The following KIRREL3 variants were observed in gnomAD, a reference collection of about 807,000 sequenced individuals.
The protein encoded by KIRREL3 is kirre like nephrin family adhesion molecule 3.
Under a neutral mutation model 89.7 loss-of-function variants are expected in KIRREL3, and 36 were observed. The observed-to-expected ratio is 0.40, with a 90% CI of 0.31 to 0.53. KIRREL3 has a LOEUF of 0.53. Among genes scored for constraint, KIRREL3 ranks in the 20% least tolerant of loss-of-function variants. KIRREL3 has a pLI of 0.49. For missense variants in KIRREL3, 864 were observed against 1,056.6 expected (o/e 0.82, Z 2.53); for synonymous variants, 445 against 441.4 (o/e 1.01, Z -0.10).
At position 126,809,818 on chromosome 11, in the gene KIRREL3, T is replaced by C. The variant is rs1951321575; in HGVS notation, c.55+190637A>G. ...ATTACAGACAAAACCCTCCTGATAC[T>C]GTCTCCTGTCTCCTTGCATCTCCCT... On this transcript the variant is annotated intron_variant, in intron 1 of 16. Transcript: ENST00000525144. 3.9e-5 allele frequency among the ~76,000 whole-genome samples: 6 copies of C among 152,300 alleles called. No homozygotes were observed. In the South Asian group the frequency reaches 1.2e-3, roughly 32 times the overall value.
rs1950221338 is a variant in KIRREL3, at chr11:126,997,948, C to T, written c.55+2507G>A. 6.6e-6 allele frequency among the ~76,000 whole-genome samples: 1 copy of T among 152,064 alleles called. No homozygotes were observed. Among genetic ancestry groups the T allele is most frequent in the Non-Finnish European group, 1.5e-5 (1 of 68,018 alleles). On this transcript the variant is annotated intron_variant, in intron 1 of 16. Transcript: ENST00000525144. This position sits in a 1 kb window ranked among gnomAD's most constrained non-coding sequence, Gnocchi z 4.3. ...CTTCACATTTCCTGGGAGAGGCATCCCAGCATGCAGGAGGCAGGGGTCAAG... is the reference window on the plus strand; with the variant it reads ...CTTCACATTTCCTGGGAGAGGCATCTCAGCATGCAGGAGGCAGGGGTCAAG...
chr11:126,478,242 A>G (rs1165791663), intron 4 of KIRREL3, among the ~76,000 whole-genome samples: 1 of 152,138 alleles, frequency 6.6e-6, no homozygotes, highest in Non-Finnish European at 1.5e-5. Flanking sequence ...CAGCTTCAAG[A>G]GCCCTTCAGT....
At chr11:126,733,916 C>A (rs1948716308) in intron 1 of KIRREL3, among the ~76,000 whole-genome samples, 1 of 152,218 alleles carries the variant, frequency 6.6e-6, no homozygotes, top group Non-Finnish European at 1.5e-5. Flanking sequence ...AGCTGCTTTA[C>A]CCAGATGGCA....
rs958016696 is a variant in KIRREL3, at chr11:126,558,156, G to T, written c.133+4679C>A. 6.6e-6 allele frequency among the ~76,000 whole-genome samples: 1 copy of T among 152,156 alleles called. No individual in the cohort carries two copies. Among genetic ancestry groups the T allele is most frequent in the Non-Finnish European group, 1.5e-5 (1 of 68,016 alleles). Reference sequence around the variant, plus strand: ...GTGCAGGCCCCCCTCTGCCCCAAGGGGATGGCTGAAGGGGAGGTCAAAACT... The same window carrying T: ...GTGCAGGCCCCCCTCTGCCCCAAGGTGATGGCTGAAGGGGAGGTCAAAACT... On this transcript the variant is annotated intron_variant, in intron 2 of 16. Coordinates refer to ENST00000525144, the MANE Select transcript of KIRREL3 (RefSeq NM_032531.4). This position sits in a 1 kb window ranked among gnomAD's most constrained non-coding sequence, Gnocchi z 4.0.
intron 1 of KIRREL3, among the ~76,000 whole-genome samples, chr11:126,758,477 G>A (rs924718534): frequency 4.6e-5 from 7 of 152,194 alleles, no homozygotes; most frequent in Non-Finnish European, 1.0e-4. Context: ...ACAGCCCAGG[G>A]TATGGCTTGT....
chr11:126,536,108 T>C (rs1040599122), intron 2 of KIRREL3, among the ~76,000 whole-genome samples: 1 of 152,168 alleles, frequency 6.6e-6, no homozygotes, highest in Non-Finnish European at 1.5e-5. Flanking sequence ...TGAGACTCCA[T>C]CTCAAAAAAA....
At position 126,975,972 on chromosome 11, in the gene KIRREL3, C is replaced by A. The variant is rs1591410627; in HGVS notation, c.55+24483G>T. Among the ~76,000 whole-genome samples the A allele has an allele frequency of 2.2e-5, 3 of 137,540 alleles. 1 individual carries two copies. The highest frequency in any genetic ancestry group is 8.1e-5 in the African/African-American group (3 of 37,214). The allele number at this position is 137,540 out of a possible 152,430, so 90.2% of individuals were successfully genotyped here. A position where few individuals can be genotyped will look rare whatever the true frequency, so the allele number is the denominator to read the frequency against. ...CCTTCCCTCCGTCCCCATATCCAAG[C>A]TTTCAGTATATGCCCCAGTTTGTAA... On this transcript the variant is annotated intron_variant, in intron 1 of 16. Transcript: ENST00000525144.
In KIRREL3 at chr11:126,445,009, C is replaced by G. The variant is rs371672327; in HGVS notation, c.1222G>C (p.Gly408Arg). The change falls in exon 10 of 17, where the codon GGG (glycine) becomes CGG (arginine). Residue 408 changes from glycine to arginine, a missense_variant. Gly to Arg is a moderately radical substitution (Grantham distance 125, BLOSUM62 -2). Coordinates refer to ENST00000525144, the MANE Select transcript of KIRREL3 (RefSeq NM_032531.4). Reference sequence around the variant, plus strand: ...ACGGTCAGGGTCACCTCTCTCTCCCCGGCTCCCACACGGGGCACCACAGCC... The same window carrying G: ...ACGGTCAGGGTCACCTCTCTCTCCCGGGCTCCCACACGGGGCACCACAGCC... The part of the protein sequence containing the change: ...CRAVVPRVGA[G>R]EREVTLTVNG... 1.9e-6 allele frequency: 3 copies of G among 1,613,816 alleles called. No individual in the cohort carries two copies. The Admixed American group carries it at 5.0e-5, about 27-fold the overall frequency.
In KIRREL3 at chr11:126,615,114, G is replaced by A. The variant is rs1241637533; in HGVS notation, c.56-52202C>T. ...TCAGGTCTGTGGGTAGAGAGTCAGG[G>A]AAAGACATTTTGGTGCATTATGAGG... On this transcript the variant is annotated intron_variant, in intron 1 of 16. Coordinates refer to ENST00000525144, the MANE Select transcript of KIRREL3 (RefSeq NM_032531.4). This position sits in a 1 kb window ranked among gnomAD's most constrained non-coding sequence, Gnocchi z 5.4. Among the ~76,000 whole-genome samples, 1 of 152,096 alleles carries A rather than the reference G, an allele frequency of 6.6e-6. No individual in the cohort carries two copies. The highest frequency in any genetic ancestry group is 2.4e-5 in the African/African-American group (1 of 41,406).
In KIRREL3 at chr11:126,594,699, T is replaced by C. The variant is rs1458965450; in HGVS notation, c.56-31787A>G. On this transcript the variant is annotated intron_variant, in intron 1 of 16. Coordinates refer to ENST00000525144, the MANE Select transcript of KIRREL3 (RefSeq NM_032531.4). This position sits in a 1 kb window ranked among gnomAD's most constrained non-coding sequence, Gnocchi z 5.0. ...AGCTCTTAAATTCTCTAACCCATGC[T>C]CCTGGCCAACTCTCCTCTGTCCAGC... Among the ~76,000 whole-genome samples the C allele has an allele frequency of 6.6e-6, 1 of 151,936 alleles. No homozygotes were observed. The highest frequency in any genetic ancestry group is 1.5e-5 in the Non-Finnish European group (1 of 68,018).
rs1002265 is a variant in KIRREL3, at chr11:126,515,389, G to A, written c.433+5926C>T. Among the ~76,000 whole-genome samples, 48,696 of 152,072 alleles carry A rather than the reference G, an allele frequency of 0.32. 8,145 individuals carry two copies. The highest frequency in any genetic ancestry group is 0.39 in the Admixed American group (5,892 of 15,274). On this transcript the variant is annotated intron_variant, in intron 4 of 16. Coordinates refer to ENST00000525144, the MANE Select transcript of KIRREL3 (RefSeq NM_032531.4). This position sits in a 1 kb window ranked among gnomAD's most constrained non-coding sequence, Gnocchi z 4.2. ...CGCTTGAGCCAGGGAGGTCGAGGCT[G>A]CAGTGAGCCATAATAGTGCCACTGC...
intron 1 of KIRREL3, among the ~76,000 whole-genome samples, chr11:126,746,469 A>G (rs1421396177): frequency 2.6e-5 from 4 of 152,106 alleles, no homozygotes; most frequent in Admixed American, 6.5e-5. Flanking sequence ...CTGTCTTCTG[A>G]GCTCCACACT....
chr11:126,694,891 A>T lies in KIRREL3; in HGVS notation c.56-131979T>A, dbSNP rs1311511435. 6.6e-6 allele frequency among the ~76,000 whole-genome samples: 1 copy of T among 152,170 alleles called. No individual in the cohort carries two copies. The highest frequency in any genetic ancestry group is 1.5e-5 in the Non-Finnish European group (1 of 68,020). On this transcript the variant is annotated intron_variant, in intron 1 of 16. Transcript: ENST00000525144. The surrounding 1 kb of genome is among the most constrained non-coding windows in gnomAD (Gnocchi z 4.4). ...CAACCTATCTTCATTTTCTTAACCT[A>T]TGCCTTTTGACTCAAAAAGAATGAA...
chr11:126,583,358 C>G (rs1258375457), intron 1 of KIRREL3, among the ~76,000 whole-genome samples: 1 of 152,190 alleles, frequency 6.6e-6, no homozygotes, highest in Non-Finnish European at 1.5e-5. Flanking sequence ...TTCTGCCAAA[C>G]AGCAGGTCTT....
chr11:126,840,194 A>T (rs1943917116), intron 1 of KIRREL3, among the ~76,000 whole-genome samples: 1 of 152,162 alleles, frequency 6.6e-6, no homozygotes, highest in South Asian at 2.1e-4. Context: ...CTTTTAGTGG[A>T]AAGAGGCATC....
chr11:126,998,036 A>G (rs1950223794), intron 1 of KIRREL3, among the ~76,000 whole-genome samples: 1 of 152,102 alleles, frequency 6.6e-6, no homozygotes, highest in African/African-American at 2.4e-5. Context: ...CTGGGGGATC[A>G]CAGTGGAGCC....
chr11:126,752,969 G>T lies in KIRREL3; in HGVS notation c.56-190057C>A, dbSNP rs999799439. On this transcript the variant is annotated intron_variant, in intron 1 of 16. Coordinates refer to ENST00000525144, the MANE Select transcript of KIRREL3 (RefSeq NM_032531.4). The surrounding 1 kb of genome is among the most constrained non-coding windows in gnomAD (Gnocchi z 4.8). ...TTCCAGAATCTCTTGTGATAATATT[G>T]CTTTGTTTTAGCTGAGAAACCTTGG... Among the ~76,000 whole-genome samples the T allele has an allele frequency of 9.2e-5, 14 of 152,108 alleles. No individual in the cohort carries two copies. The highest frequency in any genetic ancestry group is 2.9e-4 in the African/African-American group (12 of 41,402).
chr11:126,521,402 T>A lies in KIRREL3; in HGVS notation c.346A>T (p.Arg116Trp). The change falls in exon 4 of 17, where the codon AGG (arginine) becomes TGG (tryptophan). Residue 116 changes from arginine to tryptophan, a missense_variant. Coordinates refer to ENST00000525144, the MANE Select transcript of KIRREL3 (RefSeq NM_032531.4). The surrounding 1 kb of genome is among the most constrained non-coding windows in gnomAD (Gnocchi z 4.1). ...ACCGCATCGTCTTGCAGCTCTGCCC[T>A]CAGGATCTTCAGGTGGTGCTCCCCT... Reference protein sequence around the residue: ...LSGEHHLKILRAELQDDAVYE... With the variant: ...LSGEHHLKILWAELQDDAVYE... The A allele has an allele frequency of 6.4e-7, 1 of 1,570,738 alleles. No homozygotes were observed. Among genetic ancestry groups the A allele is most frequent in the South Asian group, 1.2e-5 (1 of 85,246 alleles).
intron 1 of KIRREL3, among the ~76,000 whole-genome samples, chr11:126,589,544 T>C (rs1942039595): frequency 6.6e-6 from 1 of 152,216 alleles, no homozygotes; most frequent in Admixed American, 6.5e-5. Context: ...ATGTAGGTAC[T>C]CTTGTGTTCA....
Sources: allele counts gnomAD v4.1 joint callset (sites outside exome capture counted in the v4.1 genomes callset), GRCh38; gene constraint gnomAD v4.1.1; non-coding constraint Gnocchi (gnomAD v3.1); transcripts MANE v1.5; gene names NCBI Gene and HGNC (gene_info 2026-07-23, HGNC 2026-07-21).